SYNE1: variants seen among roughly 807,000 people sequenced by gnomAD.
SYNE1 encodes the protein spectrin repeat containing nuclear envelope protein 1.
SYNE1 carries 616 observed loss-of-function variants against 1,111.0 expected under a neutral mutation model. The ratio of observed to expected loss-of-function variants is 0.55; its 90% CI spans 0.52 to 0.59. SYNE1 has a LOEUF of 0.59. Ranked by LOEUF, SYNE1 falls within the 20% of genes least tolerant of loss-of-function variation. The pLI is 0.00. For missense variants in SYNE1, 10,006 were observed against 10,417.0 expected (o/e 0.96, Z 1.72); for synonymous variants, 3,855 against 3,825.8 (o/e 1.01, Z -0.28).
At chr6:152,612,699 A>T (rs1289505435) in intron 3 of SYNE1, among the ~76,000 whole-genome samples, 1 of 151,906 alleles carries the variant, frequency 6.6e-6, no homozygotes. Context: ...ACACAGAAAA[A>T]AGAATTTTAG....
At chr6:152,552,445 T>C (rs2099350465) in intron 3 of SYNE1, among the ~76,000 whole-genome samples, 1 of 123,016 alleles carries the variant, frequency 8.1e-6, no homozygotes, top group Non-Finnish European at 1.6e-5. Flanking sequence ...TATATTTATA[T>C]ATTTACATAT....
intron 3 of SYNE1, among the ~76,000 whole-genome samples, chr6:152,558,019 C>T (rs186195085): frequency 2.0e-5 from 3 of 152,012 alleles, no homozygotes; most frequent in Admixed American, 6.6e-5. Flanking sequence ...TTAATGGGTA[C>T]ACAATATAAA....
rs1295777990 is a variant in SYNE1 at position 152,148,209 on chromosome 6, C to G, written c.24812G>C (p.Gly8271Ala). 6.2e-7 allele frequency: 1 copy of G among 1,614,164 alleles called. No individual in the cohort carries two copies. ...GTCCACACTAGCCGGGGTGTCTCGT[C>G]CTGACCGCTCGCTCCGGAGGGGCTG... Reference protein sequence around the residue: ...LAQPLRSERSGRDTPASVDSI... With the variant: ...LAQPLRSERSARDTPASVDSI... The change falls in exon 137 of 146, where the codon GGA becomes GCA. Residue 8271 changes from glycine (G) to alanine (A), a missense_variant. By Grantham distance (60) the Gly-to-Ala change is moderately conservative (BLOSUM62 0). Coordinates refer to ENST00000367255, the MANE Select transcript of SYNE1 (RefSeq NM_182961.4). The surrounding 1 kb of genome is among the most constrained non-coding windows in gnomAD (Gnocchi z 4.1).
At chr6:152,231,281 G>T in intron 114 of SYNE1, 110 bp downstream of exon 114, 1 of 1,166,732 alleles carries the variant, frequency 8.6e-7, no homozygotes, top group Non-Finnish European at 1.3e-6. Context: ...TATTGGAAGC[G>T]TTCTTTGCCC....
chr6:152,338,971 A>G (rs1004716811), intron 75 of SYNE1, among the ~76,000 whole-genome samples: 1 of 152,252 alleles, frequency 6.6e-6, no homozygotes, highest in Non-Finnish European at 1.5e-5. Flanking sequence ...GAGAATGGTC[A>G]TTAAGGAGGA....
At chr6:152,199,848 A>G (rs1222068566) in intron 127 of SYNE1, among the ~76,000 whole-genome samples, 3 of 152,194 alleles carry the variant, frequency 2.0e-5, no homozygotes, top group Non-Finnish European at 4.4e-5. Context: ...TAGCAGGACT[A>G]GACGAAAATA....
chr6:152,350,230 C>T lies in SYNE1; in HGVS notation c.11839G>A (p.Ala3947Thr). Residue 3947 changes from alanine to threonine, a missense_variant, in exon 72 of 146, where the codon GCA becomes ACA. Coordinates refer to ENST00000367255, the MANE Select transcript of SYNE1 (RefSeq NM_182961.4). ...WLLQMSGRLV[A>T]PDLLETSSLE... ...CTGCTTGTCTCCAGGAGGTCAGGTG[C>T]CACCAGTCTGCCAGACATCTGCAGC... 1 of 1,614,082 alleles carries T rather than the reference C, an allele frequency of 6.2e-7. No homozygotes were observed. Among genetic ancestry groups the T allele is most frequent in the Non-Finnish European group, 8.5e-7 (1 of 1,180,012 alleles).
intron 13 of SYNE1, among the ~76,000 whole-genome samples, chr6:152,483,906 CA>C (rs58228464): frequency 0.52 from 78,208 of 149,320 alleles, 22,004 homozygotes; most frequent in East Asian, 0.76. Context: ...ATGAGACTAT[CA>C]AAAAAAAAAT....
At chr6:152,389,071 C>T (rs1002457959) in intron 53 of SYNE1, among the ~76,000 whole-genome samples, 7 of 151,996 alleles carry the variant, frequency 4.6e-5, no homozygotes, top group African/African-American at 1.5e-4. Flanking sequence ...GAAAAAACAA[C>T]AATAATAACA....
intron 97 of SYNE1, among the ~76,000 whole-genome samples, chr6:152,279,121 G>A (rs945430527): frequency 2.7e-5 from 4 of 147,632 alleles, no homozygotes; most frequent in African/African-American, 5.0e-5. Context: ...AAATTTGCCT[G>A]AGCCTCTCAA....
At chr6:152,593,107 C>T (rs748326521) in intron 3 of SYNE1, among the ~76,000 whole-genome samples, 2 of 152,150 alleles carry the variant, frequency 1.3e-5, no homozygotes, top group Admixed American at 6.5e-5. Context: ...GAAACTTTTG[C>T]AACCAGAAAT....
chr6:152,347,305 G>C (rs2096654426), intron 72 of SYNE1, 70 bp from the exon 73 acceptor site: 4 of 1,542,494 alleles, frequency 2.6e-6, no homozygotes, highest in Non-Finnish European at 3.6e-6. Context: ...CAAAGTTTAA[G>C]ATAGATTATT....
Position 152,152,115 on chromosome 6 carries a change from GCAC to G in SYNE1, c.24153_24155del (p.Glu8051_Cys8052delinsAsp). 6.2e-7 allele frequency: 1 copy of G among 1,614,142 alleles called. No individual in the cohort carries two copies. The highest frequency in any genetic ancestry group is 8.5e-7 in the Non-Finnish European group (1 of 1,180,032). ...TGTTGATCAGTTCCAGCTGCGTCAG[GCAC>G]TCGTGGACCTGTCGCTGGAAAGCCT... On this transcript the variant is annotated inframe_deletion, in exon 134 of 146. Transcript: ENST00000367255.
intron 52 of SYNE1, 120 bp downstream of exon 52, chr6:152,391,157 T>G (rs1331029365): frequency 6.8e-7 from 1 of 1,474,928 alleles, no homozygotes; most frequent in Non-Finnish European, 9.3e-7. Context: ...ATTTCTCCAT[T>G]TTGCCCACAC....
chr6:152,201,730 G>A, intron 127 of SYNE1, 94 bp downstream of exon 127: 1 of 1,582,698 alleles, frequency 6.3e-7, no homozygotes, highest in Non-Finnish European at 8.7e-7. Context: ...GTATCTGCAT[G>A]TAGATAACCT....
At chr6:152,407,253 C>T (rs1592060192) in intron 44 of SYNE1, 57 bp from the exon 45 acceptor site, 2 of 1,547,382 alleles carry the variant, frequency 1.3e-6, no homozygotes, top group African/African-American at 1.4e-5. Context: ...ATGATCATCC[C>T]CCAACCAAAG....
At chr6:152,224,774 G>C (rs2081063001) in intron 116 of SYNE1, 110 bp from the exon 117 acceptor site, 1 of 1,157,068 alleles carries the variant, frequency 8.6e-7, no homozygotes, top group African/African-American at 1.5e-5. Context: ...CAGGGTTTCA[G>C]GTATCATAAA....
intron 130 of SYNE1, 86 bp from the exon 131 acceptor site, chr6:152,164,411 A>T: frequency 6.6e-7 from 1 of 1,519,966 alleles, no homozygotes; most frequent in East Asian, 2.3e-5. Flanking sequence ...ACTGGGCTTT[A>T]ACAATCTTTT....
chr6:152,174,011 T>A (rs1394487734), intron 130 of SYNE1, among the ~76,000 whole-genome samples: 1 of 152,222 alleles, frequency 6.6e-6, no homozygotes, highest in Non-Finnish European at 1.5e-5. Flanking sequence ...TAATATTGGC[T>A]CATAGTTGGG....
Sources: gnomAD v4.1 joint callset for allele counts (sites outside exome capture counted in the v4.1 genomes callset) on GRCh38, gnomAD v4.1.1 for gene constraint, Gnocchi (gnomAD v3.1) non-coding constraint, MANE v1.5 for transcripts, NCBI Gene and HGNC (gene_info 2026-07-23, HGNC 2026-07-21) for gene names.